Variants in KITLG observed in about 807,000 individuals in gnomAD.
KITLG encodes the protein c-Kit ligand.
KITLG carries 13 observed loss-of-function variants against 34.1 expected under a neutral mutation model. That is an observed-to-expected ratio of 0.38 (90% CI 0.25 to 0.61). KITLG has a LOEUF of 0.61. Ranked by LOEUF, KITLG falls within the 20% of genes least tolerant of loss-of-function variation. KITLG has a pLI of 0.60. For missense variants in KITLG, 292 were observed against 318.9 expected (o/e 0.92, Z 0.64); for synonymous variants, 110 against 104.0 (o/e 1.06, Z -0.35).
At chr12:88,553,785 G>T (rs1405003873) in intron 1 of KITLG, among the ~76,000 whole-genome samples, 1 of 152,202 alleles carries the variant, frequency 6.6e-6, no homozygotes, top group African/African-American at 2.4e-5. Context: ...AGTAGAAACA[G>T]TTCTGGTAGA....
At chr12:88,498,411 G>T (rs1241929983) in intron 9 of KITLG, among the ~76,000 whole-genome samples, 4 of 151,944 alleles carry the variant, frequency 2.6e-5, no homozygotes, top group African/African-American at 7.3e-5. Flanking sequence ...TAGGAAATCA[G>T]AATTAAATCT....
chr12:88,566,494 T>C (rs911248332), intron 1 of KITLG, among the ~76,000 whole-genome samples: 2 of 152,006 alleles, frequency 1.3e-5, no homozygotes, highest in African/African-American at 2.4e-5. Context: ...CTAAACAACA[T>C]AGTAGGGAGA....
intron 1 of KITLG, among the ~76,000 whole-genome samples, chr12:88,574,166 T>C (rs1289422496): frequency 6.6e-6 from 1 of 151,890 alleles, no homozygotes; most frequent in Non-Finnish European, 1.5e-5. Flanking sequence ...AAGAACATTA[T>C]CTTCATGGTT....
At chr12:88,522,971 G>A (rs1349654035) in intron 3 of KITLG, among the ~76,000 whole-genome samples, 1 of 152,088 alleles carries the variant, frequency 6.6e-6, no homozygotes, top group Non-Finnish European at 1.5e-5. Context: ...TGAAAAGCCT[G>A]GCTCATAAAC....
chr12:88,526,338 T>A (rs1346058687), intron 3 of KITLG, among the ~76,000 whole-genome samples: 3 of 152,158 alleles, frequency 2.0e-5, no homozygotes, highest in Non-Finnish European at 4.4e-5. Context: ...AAGAAGATAA[T>A]AACGTTGCAG....
In KITLG at chr12:88,580,430, C is replaced by G. The variant is rs12424567; in HGVS notation, c.-152G>C. On this transcript the variant is annotated 5_prime_UTR_variant, in exon 1 of 10. Transcript: ENST00000644744. ...AGCGCCCTCTCCACTGTCCCTGCTT[C>G]CCGCAGCGCTTCTAGTCTCGGCGCG... is the stretch of plus-strand genomic sequence containing the variant. The G allele has an allele frequency of 2.2e-6, 2 of 919,980 alleles. No homozygotes were observed. Among genetic ancestry groups the G allele is most frequent in the Admixed American group, 2.2e-5 (1 of 46,336 alleles). The allele number at this position is 919,980 out of a possible 1,614,324, so 57.0% of individuals were successfully genotyped here. A position where few individuals can be genotyped will look rare whatever the true frequency, so the allele number is the denominator to read the frequency against.
intron 1 of KITLG, among the ~76,000 whole-genome samples, chr12:88,570,038 A>T (rs1438812610): frequency 2.0e-5 from 3 of 152,230 alleles, no homozygotes; most frequent in Non-Finnish European, 4.4e-5. Flanking sequence ...ACCATCTTCC[A>T]AAACATCATG....
chr12:88,568,284 T>C (rs11104954), intron 1 of KITLG, among the ~76,000 whole-genome samples: 25 of 12,470 alleles, frequency 2.0e-3, no homozygotes, highest in African/African-American at 2.2e-3. Context: ...TTATCTCATT[T>C]ATTTATTTAT....
In KITLG at chr12:88,526,241, C is replaced by T. The variant is rs956830721; in HGVS notation, c.192+6200G>A. On this transcript the variant is annotated intron_variant, in intron 3 of 9. Coordinates refer to ENST00000644744, the MANE Select transcript of KITLG (RefSeq NM_000899.5). ...AATAACTCAATTAAAGCAGTAGAACCAAAGGCTTAAAGAAGCTGTGATTCC... is the reference window on the plus strand; with the variant it reads ...AATAACTCAATTAAAGCAGTAGAACTAAAGGCTTAAAGAAGCTGTGATTCC... Among the ~76,000 whole-genome samples, 23 of 152,202 alleles carry T rather than the reference C, an allele frequency of 1.5e-4. 1 individual carries two copies. Among genetic ancestry groups the T allele is most frequent in the Middle Eastern group, 6.8e-3 (2 of 294 alleles).
At chr12:88,548,188 G>A (rs1013249478) in intron 1 of KITLG, among the ~76,000 whole-genome samples, 2 of 152,136 alleles carry the variant, frequency 1.3e-5, no homozygotes, top group Non-Finnish European at 2.9e-5. Context: ...GGGCGTGGTG[G>A]CTCATGCCTG....
chr12:88,573,264 C>A (rs1871716399), intron 1 of KITLG, among the ~76,000 whole-genome samples: 1 of 152,110 alleles, frequency 6.6e-6, no homozygotes, highest in African/African-American at 2.4e-5. Flanking sequence ...GGTGACAAGG[C>A]CTTTATAACA....
intron 1 of KITLG, among the ~76,000 whole-genome samples, chr12:88,559,828 T>A (rs975363044): frequency 1.3e-5 from 2 of 152,190 alleles, no homozygotes; most frequent in South Asian, 2.1e-4. Context: ...CTGGGACAAG[T>A]TCCTCTGGTA....
At chr12:88,568,482 G>A (rs536670251) in intron 1 of KITLG, among the ~76,000 whole-genome samples, 167 of 152,026 alleles carry the variant, frequency 1.1e-3, no homozygotes, top group African/African-American at 3.9e-3. Flanking sequence ...TAATTCTTGT[G>A]TTCTTCCAAC....
intron 4 of KITLG, 117 bp downstream of exon 4, chr12:88,518,580 A>C (rs998660797): frequency 1.3e-6 from 1 of 793,498 alleles, no homozygotes; most frequent in African/African-American, 1.8e-5. Flanking sequence ...TTTAAATTTG[A>C]AGTTTATACA....
intron 3 of KITLG, among the ~76,000 whole-genome samples, chr12:88,529,202 C>T (rs1183912075): frequency 6.6e-6 from 1 of 152,048 alleles, no homozygotes; most frequent in Non-Finnish European, 1.5e-5. Flanking sequence ...ATATTACAAG[C>T]AACCCACAGT....
At chr12:88,534,710 G>A (rs911504017) in intron 2 of KITLG, 4 of 514,320 alleles carry the variant, frequency 7.8e-6, no homozygotes, top group African/African-American at 1.9e-5. Flanking sequence ...CAGACATGAC[G>A]GCATTTTTGT....
At chr12:88,544,953 C>A (rs1354998083) in intron 2 of KITLG, among the ~76,000 whole-genome samples, 5 of 152,186 alleles carry the variant, frequency 3.3e-5, no homozygotes, top group Non-Finnish European at 7.4e-5. Context: ...CACCTCCGTT[C>A]TCTAGTCAGT....
intron 2 of KITLG, among the ~76,000 whole-genome samples, chr12:88,536,235 G>T (rs1051290668): frequency 1.3e-5 from 2 of 152,054 alleles, no homozygotes; most frequent in Admixed American, 6.6e-5. Flanking sequence ...CAACAAGTAA[G>T]CAAAAGACAC....
chr12:88,563,781 G>A (rs950153896), intron 1 of KITLG, among the ~76,000 whole-genome samples: 2 of 152,010 alleles, frequency 1.3e-5, no homozygotes, highest in African/African-American at 4.8e-5. Context: ...GCCAACATGG[G>A]GAAACCCCAC....
Sources: gnomAD v4.1 joint callset for allele counts (sites outside exome capture counted in the v4.1 genomes callset) on GRCh38, gnomAD v4.1.1 for gene constraint, MANE v1.5 for transcripts, NCBI Gene and HGNC (gene_info 2026-07-23, HGNC 2026-07-21) for gene names.